Variants in NCOR2 observed in about 807,000 individuals in gnomAD.
NCOR2 encodes the protein nuclear receptor corepressor 2, also known as CTG repeat protein 26.
Under a neutral mutation model 262.9 loss-of-function variants are expected in NCOR2, and 81 were observed. That is an observed-to-expected ratio of 0.31 (90% CI 0.26 to 0.37). The LOEUF (loss-of-function observed/expected upper bound fraction) is 0.37. NCOR2 is among the 10% of genes least tolerant of loss of function. The pLI is 1.00. For synonymous variants in NCOR2, 1,659 were observed against 1,559.3 expected (o/e 1.06, Z -1.51); for missense variants, 3,385 against 3,621.4 (o/e 0.93, Z 1.68).
intron 16 of NCOR2, among the ~76,000 whole-genome samples, chr12:124,391,887 C>T (rs1222438308): frequency 6.6e-6 from 1 of 152,228 alleles, no homozygotes; most frequent in Non-Finnish European, 1.5e-5. Context: ...TTCAATGTCA[C>T]GTTTTCCTAC....
intron 1 of NCOR2, among the ~76,000 whole-genome samples, chr12:124,533,349 TG>T (rs1371259479): frequency 6.6e-6 from 1 of 152,074 alleles, no homozygotes; most frequent in African/African-American, 2.4e-5. Context: ...TCCCTCAGCC[TG>T]GGTCACCCTT....
intron 32 of NCOR2, among the ~76,000 whole-genome samples, chr12:124,343,560 C>T (rs2036639564): frequency 2.0e-5 from 3 of 152,112 alleles, no homozygotes; most frequent in Admixed American, 2.0e-4. Flanking sequence ...ATGCGAGAGA[C>T]AGGTGATAAA....
intron 10 of NCOR2, among the ~76,000 whole-genome samples, chr12:124,428,935 G>T (rs955400149): frequency 1.3e-5 from 2 of 152,210 alleles, no homozygotes; most frequent in Admixed American, 1.3e-4. Context: ...CAGGACCCGG[G>T]AGGGAACAGG....
chr12:124,534,517 G>A lies in NCOR2; in HGVS notation c.-118+1048C>T, dbSNP rs118050811. 2.1e-4 allele frequency among the ~76,000 whole-genome samples: 32 copies of A among 152,140 alleles called. No homozygotes were observed. The South Asian group carries it at 2.5e-3, about 12-fold the overall frequency. On this transcript the variant is annotated intron_variant, in intron 1 of 46. Transcript: ENST00000404621. ...ACCACTGTCATATATGCGGTCCATC[G>A]TTGACCAGAATGTCGTTATGCAGCA... is the stretch of plus-strand genomic sequence containing the variant.
In NCOR2 at chr12:124,339,909, C is replaced by G; in HGVS notation, c.5687+97G>C. ...CACACATCTGCCCACCCACCCACCT[C>G]CCATATACCTCCCACCAAGCATCCT... On this transcript the variant is annotated intron_variant, in intron 37 of 46. Coordinates refer to ENST00000405201, the Ensembl canonical transcript of NCOR2. 2 of 724,084 alleles carry G rather than the reference C, an allele frequency of 2.8e-6. 1 individual carries two copies. The highest frequency in any genetic ancestry group is 4.3e-6 in the Non-Finnish European group (2 of 460,174). 44.9% of individuals were successfully genotyped at this position (724,084 alleles called of 1,614,324 possible).
intron 32 of NCOR2, among the ~76,000 whole-genome samples, chr12:124,343,627 AT>A (rs11322329): frequency 0.21 from 30,506 of 148,488 alleles, 3,182 homozygotes; most frequent in South Asian, 0.32. Context: ...ATTTTCTTTC[AT>A]TTTTTTTTTT....
In NCOR2 at chr12:124,482,188, G is replaced by A. The variant is rs2047527974; in HGVS notation, c.411+1408C>T. Among the ~76,000 whole-genome samples the A allele has an allele frequency of 1.3e-5, 2 of 152,110 alleles. No homozygotes were observed. The highest frequency in any genetic ancestry group is 1.3e-4 in the Admixed American group (2 of 15,284). On this transcript the variant is annotated intron_variant, in intron 3 of 46. Transcript: ENST00000405201. This position sits in a 1 kb window ranked among gnomAD's most constrained non-coding sequence, Gnocchi z 6.3. ...TCCTGTGACAACTTGGTGAGGCGGG[G>A]ACTGCCCCAGTGGCAGGGAGGCCAA...
chr12:124,484,360 G>A (rs1346865942), intron 2 of NCOR2, among the ~76,000 whole-genome samples: 2 of 152,192 alleles, frequency 1.3e-5, no homozygotes, highest in African/African-American at 4.8e-5. Context: ...AGTTTCCCCA[G>A]CGACTGGCTC....
exon 34 of NCOR2, chr12:124,342,031 G>A: frequency 6.2e-7 from 1 of 1,612,658 alleles, no homozygotes. Context: ...GGTGCGGGTA[G>A]GTGGGGTTGG....
exon 17 of NCOR2, chr12:124,385,883 G>T: frequency 6.2e-7 from 1 of 1,613,242 alleles, no homozygotes; most frequent in Non-Finnish European, 8.5e-7. Context: ...CGTGTTCCAG[G>T]AGACCTGTCT....
upstream of NCOR2, among the ~76,000 whole-genome samples, chr12:124,499,520 C>T (rs1177899350): frequency 1.3e-5 from 2 of 152,172 alleles, no homozygotes; most frequent in African/African-American, 2.4e-5. Flanking sequence ...GGAGAGTGCT[C>T]CAGCTGGAGG....
chr12:124,459,210 T>C (rs1593637795), intron 5 of NCOR2, among the ~76,000 whole-genome samples: 1 of 152,060 alleles, frequency 6.6e-6, no homozygotes, highest in East Asian at 1.9e-4. Flanking sequence ...CAACTGTCCA[T>C]CTAGATAAAA....
intron 35 of NCOR2, 61 bp downstream of exon 37, chr12:124,340,541 A>G: frequency 3.3e-6 from 5 of 1,536,728 alleles, no homozygotes; most frequent in Non-Finnish European, 4.4e-6. Context: ...CTGCCCGCCC[A>G]TCCCCCAGCC....
intron 8 of NCOR2, among the ~76,000 whole-genome samples, chr12:124,437,696 C>T (rs1381938854): frequency 1.3e-5 from 2 of 152,226 alleles, no homozygotes; most frequent in Non-Finnish European, 2.9e-5. Context: ...TCTTCCCTTC[C>T]AGGCTGGAAG....
At position 124,375,950 on chromosome 12, in the gene NCOR2, C is replaced by T. The variant is rs1038045253; in HGVS notation, c.2168-1487G>A. ...GAGATTCAGGCAGGGCAACCTCAGG[C>T]TCCAACCCAGCACCTGCCTCACCTC... On this transcript the variant is annotated intron_variant, in intron 18 of 46. Coordinates refer to ENST00000405201, the Ensembl canonical transcript of NCOR2. Among the ~76,000 whole-genome samples, 5 of 152,316 alleles carry T rather than the reference C, an allele frequency of 3.3e-5. No individual in the cohort carries two copies. In the East Asian group the frequency reaches 9.7e-4, roughly 29 times the overall value.
At chr12:124,446,140 G>A (rs576917563) in intron 7 of NCOR2, among the ~76,000 whole-genome samples, 9 of 152,290 alleles carry the variant, frequency 5.9e-5, no homozygotes, top group African/African-American at 2.2e-4. Flanking sequence ...GGAGTGCAGG[G>A]TGCAGAGGCT....
chr12:124,413,931 C>T (rs376214302), intron 13 of NCOR2, among the ~76,000 whole-genome samples: 1 of 150,228 alleles, frequency 6.7e-6, no homozygotes, highest in African/African-American at 2.4e-5. Flanking sequence ...GCCCCCCCCA[C>T]CCCAGGACTC....
intron 1 of NCOR2, among the ~76,000 whole-genome samples, chr12:124,564,047 A>T (rs1231282512): frequency 6.6e-6 from 1 of 152,216 alleles, no homozygotes; most frequent in Non-Finnish European, 1.5e-5. Flanking sequence ...CTCATAGAGG[A>T]GTTATGAAGA....
At chr12:124,448,587 C>T (rs984046527) in intron 7 of NCOR2, among the ~76,000 whole-genome samples, 2 of 152,126 alleles carry the variant, frequency 1.3e-5, no homozygotes, top group African/African-American at 2.4e-5. Context: ...CTCCTGAACC[C>T]GAGAAGGCCA....
Sources: gnomAD v4.1 joint callset for allele counts (sites outside exome capture counted in the v4.1 genomes callset) on GRCh38, gnomAD v4.1.1 for gene constraint, Gnocchi (gnomAD v3.1) non-coding constraint, MANE v1.5 for transcripts, NCBI Gene and HGNC (gene_info 2026-07-23, HGNC 2026-07-21) for gene names.